TMEM255B: variants seen among roughly 807,000 people sequenced by gnomAD.
The protein encoded by TMEM255B is transmembrane protein 255B.
TMEM255B carries 35 observed loss-of-function variants against 34.5 expected under a neutral mutation model. The ratio of observed to expected loss-of-function variants is 1.01; its 90% CI spans 0.77 to 1.34. The LOEUF (loss-of-function observed/expected upper bound fraction) is 1.34, where lower values mean the gene tolerates loss of function less well. TMEM255B is among the 40% of genes most tolerant of loss of function. The probability of loss-of-function intolerance (pLI) is 0.00; values close to 1 mark genes in which losing one functional copy is unlikely to be tolerated. For missense variants in TMEM255B, 432 were observed against 433.2 expected, an observed-to-expected ratio of 1.00 and a Z score of 0.02; for synonymous variants, 206 against 201.2, an observed-to-expected ratio of 1.02 and a Z score of -0.20.
rs1266854470 is a variant in TMEM255B, at chr13:113,770,124, G to T, written c.252+964G>T. Among the ~76,000 whole-genome samples the T allele has an allele frequency of 1.3e-5, 2 of 152,194 alleles. No individual in the cohort carries two copies. The highest frequency in any genetic ancestry group is 6.5e-5 in the Admixed American group (1 of 15,272). Reference sequence around the variant, plus strand: ...AAGACTGGGCAGTTTACAAAAGAAAGAGGTTTAATTGAACTCACAGTTCCA... The same window carrying T: ...AAGACTGGGCAGTTTACAAAAGAAATAGGTTTAATTGAACTCACAGTTCCA... On this transcript the variant is annotated intron_variant, in intron 3 of 8. Transcript: ENST00000375353. This position sits in a 1 kb window ranked among gnomAD's most constrained non-coding sequence, Gnocchi z 4.6.
chr13:113,813,075 T>G lies in TMEM255B; in HGVS notation c.*1172T>G, dbSNP rs899510522. 1.3e-5 allele frequency: 2 copies of G among 149,856 alleles called. No homozygotes were observed. The highest frequency in any genetic ancestry group is 3.0e-5 in the Non-Finnish European group (2 of 67,688). The allele number at this position is 149,856 out of a possible 1,614,324, so 9.3% of individuals were successfully genotyped here. ...GAGTTCAGGATGCGCCACCCCAAAG[T>G]AGCCGAAGTCTCTTGAAAAGTGTTG... On this transcript the variant is annotated 3_prime_UTR_variant, in exon 9 of 9. Coordinates refer to ENST00000375353, the MANE Select transcript of TMEM255B (RefSeq NM_182614.4).
chr13:113,766,701 G>A (rs902222620), intron 2 of TMEM255B, among the ~76,000 whole-genome samples: 5 of 152,344 alleles, frequency 3.3e-5, no homozygotes, highest in Non-Finnish European at 7.3e-5. Flanking sequence ...GACCACCATA[G>A]CCCATGGAAG....
chr13:113,784,256 A>G (rs2050707415), intron 3 of TMEM255B, among the ~76,000 whole-genome samples: 1 of 152,100 alleles, frequency 6.6e-6, no homozygotes, highest in Non-Finnish European at 1.5e-5. Context: ...CTCCAGAAGA[A>G]AGACAGAGAC....
intron 3 of TMEM255B, among the ~76,000 whole-genome samples, chr13:113,786,608 ACCGTCG>A (rs2050749244): frequency 6.6e-6 from 1 of 151,868 alleles, no homozygotes; most frequent in Admixed American, 6.6e-5. Flanking sequence ...TGTCACCATC[ACCGTCG>A]TCACTGTTGT....
intron 7 of TMEM255B, 27 bp from the exon 8 acceptor site, chr13:113,804,858 C>T (rs112805461): frequency 3.6e-5 from 57 of 1,580,696 alleles, no homozygotes; most frequent in African/African-American, 3.0e-4. Flanking sequence ...GGGTACACGC[C>T]GACCACCCGT....
At position 113,802,677 on chromosome 13, in the gene TMEM255B, T is replaced by C. The variant is rs374796263; in HGVS notation, c.669+865T>C. Reference sequence around the variant, plus strand: ...GTCCATGACTAAAAATTAGCTCAGCTGGGAACCCTCCTGCCATCTGCTTCT... The same window carrying C: ...GTCCATGACTAAAAATTAGCTCAGCCGGGAACCCTCCTGCCATCTGCTTCT... On this transcript the variant is annotated intron_variant, in intron 7 of 8. Transcript: ENST00000375353. Among the ~76,000 whole-genome samples the C allele has an allele frequency of 2.6e-3, 316 of 122,552 alleles. 19 individuals are homozygous for C. Among genetic ancestry groups the C allele is most frequent in the African/African-American group, 8.5e-3 (301 of 35,418 alleles). The allele number at this position is 122,552 out of a possible 152,430, so 80.4% of individuals were successfully genotyped here.
intron 8 of TMEM255B, among the ~76,000 whole-genome samples, chr13:113,810,528 A>G (rs1310964566): frequency 1.3e-5 from 2 of 152,166 alleles, no homozygotes; most frequent in Non-Finnish European, 2.9e-5. Flanking sequence ...CTACATATGA[A>G]GAGAGAGATC....
At chr13:113,761,976 G>A (rs1046041620) in intron 1 of TMEM255B, among the ~76,000 whole-genome samples, 1 of 152,148 alleles carries the variant, frequency 6.6e-6, no homozygotes, top group Non-Finnish European at 1.5e-5. Flanking sequence ...ACCCAGAATG[G>A]TTTGGGTCCA....
At chr13:113,786,587 ATCATCACTGTTGTCACCATCACCG>A (rs2050748559) in intron 3 of TMEM255B, among the ~76,000 whole-genome samples, 1 of 151,846 alleles carries the variant, frequency 6.6e-6, no homozygotes, top group South Asian at 2.1e-4. Flanking sequence ...CATCATCACC[ATCATCACTGTTGTCACCATCACCG>A]TCGTCACTGT....
chr13:113,801,533 T>C (rs1289617572), intron 6 of TMEM255B, 120 bp from the exon 7 acceptor site: 15 of 1,203,140 alleles, frequency 1.2e-5, no homozygotes, highest in Non-Finnish European at 1.7e-5. Flanking sequence ...GGGCGTTGAC[T>C]GGGCTCCAGC....
intron 3 of TMEM255B, among the ~76,000 whole-genome samples, chr13:113,776,744 G>T (rs999930735): frequency 3.9e-5 from 6 of 152,212 alleles, no homozygotes; most frequent in African/African-American, 1.2e-4. Flanking sequence ...GACACAGTGG[G>T]CGCAGGCGAC....
intron 3 of TMEM255B, among the ~76,000 whole-genome samples, chr13:113,793,203 T>A (rs994148464): frequency 3.9e-5 from 6 of 151,960 alleles, no homozygotes; most frequent in Non-Finnish European, 8.8e-5. Context: ...GGTGGCCACG[T>A]CCCCCTCTGC....
In TMEM255B at chr13:113,811,945, T is replaced by TAAAAA; in HGVS notation, c.*46_*50dup. 2.7e-6 allele frequency: 4 copies of TAAAAA among 1,493,716 alleles called. No individual in the cohort carries two copies. In the African/African-American group the frequency reaches 5.7e-5, roughly 21 times the overall value. 92.5% of individuals were successfully genotyped at this position (1,493,716 alleles called of 1,614,324 possible). A position where few individuals can be genotyped will look rare whatever the true frequency, so the allele number is the denominator to read the frequency against. On this transcript the variant is annotated 3_prime_UTR_variant, in exon 9 of 9. Coordinates refer to ENST00000375353, the MANE Select transcript of TMEM255B (RefSeq NM_182614.4). Reference sequence around the variant, plus strand: ...AAGATAACTTGTTTGTTTTTTTTTTTAAAAAAAAGGCAGCCTCTAGAAATC... The same window carrying TAAAAA: ...AAGATAACTTGTTTGTTTTTTTTTTTAAAAAAAAAAAAAGGCAGCCTCTAGAAATC...
chr13:113,762,205 T>C (rs1359665305), intron 1 of TMEM255B, among the ~76,000 whole-genome samples: 2 of 152,208 alleles, frequency 1.3e-5, no homozygotes, highest in Non-Finnish European at 2.9e-5. Context: ...TAATTATCTC[T>C]TATGCTAATT....
At chr13:113,776,752 G>A (rs1258419109) in intron 3 of TMEM255B, among the ~76,000 whole-genome samples, 3 of 152,172 alleles carry the variant, frequency 2.0e-5, no homozygotes, top group African/African-American at 7.2e-5. Context: ...GGGCGCAGGC[G>A]ACCTGTTCCT....
intron 3 of TMEM255B, among the ~76,000 whole-genome samples, chr13:113,786,552 TCAA>T (rs1466166073): frequency 2.7e-5 from 4 of 150,216 alleles, no homozygotes; most frequent in Admixed American, 6.6e-5. Flanking sequence ...GTCACCATCG[TCAA>T]CATCATCACC....
chr13:113,811,442 G>A (rs2051303728), intron 8 of TMEM255B, among the ~76,000 whole-genome samples: 1 of 138,562 alleles, frequency 7.2e-6, no homozygotes, highest in Non-Finnish European at 1.5e-5. Flanking sequence ...GCGTGAGAGT[G>A]GCCCTGGGTC....
intron 1 of TMEM255B, chr13:113,761,287 G>A (rs1368647628): frequency 1.0e-6 from 1 of 985,138 alleles, no homozygotes; most frequent in Non-Finnish European, 1.2e-6. Flanking sequence ...GCTCTGTGGA[G>A]TAGAGGAAAT....
intron 8 of TMEM255B, among the ~76,000 whole-genome samples, chr13:113,809,141 GTTACTCTGTGGTTCCTGGGAGT>G (rs1406389040): frequency 4.3e-5 from 5 of 116,568 alleles, no homozygotes; most frequent in Non-Finnish European, 1.8e-5. Context: ...GGGGGGAGGG[GTTACTCTGTGGTTCCTGGGAGT>G]TTACTCTGTG....
Sources: gnomAD v4.1 joint callset for allele counts (sites outside exome capture counted in the v4.1 genomes callset) on GRCh38, gnomAD v4.1.1 for gene constraint, Gnocchi (gnomAD v3.1) non-coding constraint, MANE v1.5 for transcripts, NCBI Gene and HGNC (gene_info 2026-07-23, HGNC 2026-07-21) for gene names.